Variants in CCSER1 observed in about 807,000 individuals in gnomAD.
The protein encoded by CCSER1 is serine-rich coiled-coil domain-containing protein 1.
Under a neutral mutation model 82.0 loss-of-function variants are expected in CCSER1, and 41 were observed. The ratio of observed to expected loss-of-function variants is 0.50; its 90% confidence interval spans 0.39 to 0.65. The LOEUF (loss-of-function observed/expected upper bound fraction) is 0.65, where lower values mean the gene tolerates loss of function less well. Ranked by LOEUF, CCSER1 falls within the 30% of genes least tolerant of loss-of-function variation. The pLI, the probability that CCSER1 is intolerant of heterozygous loss-of-function variation, is 0.00. For synonymous variants in CCSER1, 414 were observed against 383.9 expected (o/e 1.08, Z -0.92); for missense variants, 1,119 against 1,064.2 (o/e 1.05, Z -0.72).
chr4:90,798,034 C>G (rs60209368), intron 7 of CCSER1, among the ~76,000 whole-genome samples: 83,273 of 151,996 alleles, frequency 0.55, 23,006 homozygotes, highest in East Asian at 0.65. Context: ...AGGTAGGTTG[C>G]TGAAGTTCTC....
intron 5 of CCSER1, among the ~76,000 whole-genome samples, chr4:90,491,426 T>C (rs549593989): frequency 1.3e-5 from 2 of 152,184 alleles, no homozygotes; most frequent in Admixed American, 1.3e-4. Context: ...CCTGAGACGA[T>C]GGGGTTTTCT....
chr4:91,119,602 T>C (rs1418558398), intron 10 of CCSER1, among the ~76,000 whole-genome samples: 1 of 151,984 alleles, frequency 6.6e-6, no homozygotes, highest in African/African-American at 2.4e-5. Flanking sequence ...ACTGTAGATG[T>C]AGTCTGAGAA....
intron 8 of CCSER1, among the ~76,000 whole-genome samples, chr4:90,875,457 T>A (rs1041554073): frequency 1.3e-5 from 2 of 152,290 alleles, no homozygotes; most frequent in African/African-American, 2.4e-5. Flanking sequence ...TCTCATCTAT[T>A]TTTAGAGAAT....
At chr4:90,497,772 G>T (rs1010934391) in intron 5 of CCSER1, among the ~76,000 whole-genome samples, 3 of 152,188 alleles carry the variant, frequency 2.0e-5, no homozygotes, top group Non-Finnish European at 2.9e-5. Flanking sequence ...AATAACTGTG[G>T]TTCTGTTTTG....
At chr4:91,064,144 T>A (rs2148746043) in intron 9 of CCSER1, among the ~76,000 whole-genome samples, 1 of 152,294 alleles carries the variant, frequency 6.6e-6, no homozygotes, top group East Asian at 1.9e-4. Context: ...AGGGAAACAT[T>A]AATTTTTTCT....
chr4:90,580,022 C>T lies in CCSER1; in HGVS notation c.1725-48003C>T, dbSNP rs898226410. ...AAAAAAGAAAAAGGCCACATCTTAG[C>T]GGTTCTTAGAAAAACTAATTATTGT... is the stretch of plus-strand genomic sequence containing the variant. On this transcript the variant is annotated intron_variant, in intron 5 of 10. Coordinates refer to ENST00000509176, the MANE Select transcript of CCSER1 (RefSeq NM_001145065.2). Among the ~76,000 whole-genome samples, 12 of 151,982 alleles carry T rather than the reference C, an allele frequency of 7.9e-5. No homozygotes were observed. The East Asian group carries it at 1.5e-3, about 20-fold the overall frequency.
At chr4:90,928,080 T>C (rs1729279377) in intron 9 of CCSER1, among the ~76,000 whole-genome samples, 2 of 152,022 alleles carry the variant, frequency 1.3e-5, no homozygotes, top group Admixed American at 6.6e-5. Context: ...TGGCATTTAT[T>C]AGAAAAAAGT....
At chr4:91,344,663 TA>T (rs1456090888) in intron 10 of CCSER1, among the ~76,000 whole-genome samples, 1 of 150,576 alleles carries the variant, frequency 6.6e-6, no homozygotes, top group Non-Finnish European at 1.5e-5. Flanking sequence ...AAAAAAGGAA[TA>T]AAAGAGATTC....
intron 10 of CCSER1, among the ~76,000 whole-genome samples, chr4:91,377,105 T>A (rs1044228228): frequency 3.3e-5 from 5 of 152,198 alleles, no homozygotes; most frequent in African/African-American, 1.2e-4. Context: ...CTGCATAGTA[T>A]TCCATGGTAT....
intron 4 of CCSER1, among the ~76,000 whole-genome samples, chr4:90,412,679 A>C (rs1202014771): frequency 6.6e-6 from 1 of 152,214 alleles, no homozygotes; most frequent in Admixed American, 6.5e-5. Context: ...CAATAGAATT[A>C]GAAAAAGCCT....
intron 5 of CCSER1, among the ~76,000 whole-genome samples, chr4:90,484,912 G>A (rs1384289777): frequency 6.6e-6 from 1 of 152,216 alleles, no homozygotes; most frequent in African/African-American, 2.4e-5. Context: ...CTGTCAGACA[G>A]GGACATTTAA....
At chr4:90,570,018 A>G (rs1779915871) in intron 5 of CCSER1, among the ~76,000 whole-genome samples, 1 of 152,206 alleles carries the variant, frequency 6.6e-6, no homozygotes, top group African/African-American at 2.4e-5. Context: ...GTATGGTCCC[A>G]GTTCCTCAGG....
intron 9 of CCSER1, among the ~76,000 whole-genome samples, chr4:91,042,650 C>G (rs1056770397): frequency 2.6e-5 from 4 of 151,982 alleles, no homozygotes; most frequent in Admixed American, 2.6e-4. Context: ...GTAAATGTTC[C>G]CATTTTCTAA....
At chr4:90,807,258 A>G (rs940837115) in intron 7 of CCSER1, among the ~76,000 whole-genome samples, 2 of 152,158 alleles carry the variant, frequency 1.3e-5, no homozygotes, top group African/African-American at 4.8e-5. Flanking sequence ...TTTGCAATGT[A>G]GAGCAGGTAA....
chr4:90,953,083 AT>A (rs1733080436), intron 9 of CCSER1, among the ~76,000 whole-genome samples: 1 of 151,844 alleles, frequency 6.6e-6, no homozygotes, highest in Non-Finnish European at 1.5e-5. Context: ...TGTATAAAGG[AT>A]TTTCAGATGC....
chr4:91,036,005 T>C (rs71597222), intron 9 of CCSER1, among the ~76,000 whole-genome samples: 1,705 of 152,232 alleles, frequency 0.011, 18 homozygotes, highest in Non-Finnish European at 0.018. Context: ...CATTTGGGAG[T>C]TTAACTCACA....
rs192814330 is a variant in CCSER1, at chr4:91,490,349, A to T, written c.2218-108223A>T. 4.8e-3 allele frequency among the ~76,000 whole-genome samples: 727 copies of T among 152,320 alleles called. 3 individuals carry two copies. The highest frequency in any genetic ancestry group is 5.5e-3 in the Non-Finnish European group (373 of 68,022). ...AGATTTGGAAGCAGCTGAAATGTTC[A>T]TCAACAGATGGATGAATAAAGGAAA... On this transcript the variant is annotated intron_variant, in intron 10 of 10. Coordinates refer to ENST00000509176, the MANE Select transcript of CCSER1 (RefSeq NM_001145065.2).
At chr4:91,380,778 A>C (rs1234323452) in intron 10 of CCSER1, among the ~76,000 whole-genome samples, 1 of 152,090 alleles carries the variant, frequency 6.6e-6, no homozygotes, top group African/African-American at 2.4e-5. Flanking sequence ...TGTGAATTTG[A>C]TCCTGTCATT....
At chr4:91,148,633 C>A (rs1400892333) in intron 10 of CCSER1, among the ~76,000 whole-genome samples, 1 of 152,148 alleles carries the variant, frequency 6.6e-6, no homozygotes, top group African/African-American at 2.4e-5. Context: ...ATCCATCCCC[C>A]ATCCCACCAC....
Sources: gnomAD v4.1 joint callset for allele counts (sites outside exome capture counted in the v4.1 genomes callset) on GRCh38, gnomAD v4.1.1 for gene constraint, MANE v1.5 for transcripts, NCBI Gene and HGNC (gene_info 2026-07-23, HGNC 2026-07-21) for gene names.